Variants in ZDHHC11B observed in about 807,000 individuals in gnomAD.
ZDHHC11B encodes the protein zDHHC palmitoyltransferase 11B (putative), also known as probable palmitoyltransferase ZDHHC11B.
A neutral mutation model predicts 42.3 loss-of-function variants in ZDHHC11B; 17 were observed. That is an observed-to-expected ratio of 0.40 (90% confidence interval 0.27 to 0.60). The LOEUF (loss-of-function observed/expected upper bound fraction) is 0.60. ZDHHC11B is among the 20% of genes least tolerant of loss of function. The pLI is 0.41. For synonymous variants in ZDHHC11B, 123 were observed against 193.5 expected (o/e 0.64, Z 3.02); for missense variants, 262 against 463.2 (o/e 0.57, Z 3.99).
intron 11 of ZDHHC11B, among the ~76,000 whole-genome samples, chr5:730,682 A>G (rs1397196899): frequency 6.6e-6 from 1 of 151,666 alleles, no homozygotes; most frequent in Non-Finnish European, 1.5e-5. Context: ...CTCCAAATTC[A>G]TAGGTTGACA....
intron 6 of ZDHHC11B, among the ~76,000 whole-genome samples, chr5:754,616 T>TGTGAGCCTCCA (rs1746356184): frequency 1.1e-4 from 10 of 94,278 alleles, no homozygotes; most frequent in Admixed American, 2.5e-4. Flanking sequence ...ACACCTCTCG[T>TGTGAGCCTCCA]CCATCTGCGC....
In ZDHHC11B at chr5:767,283, C is replaced by T. The variant is rs1386037292; in HGVS notation, c.-1+109G>A. ...AAGACCTGAGCTGCCATCTGGACGG[C>T]TGCGGGATGGCCCTCTCCCCACCCA... On this transcript the variant is annotated intron_variant, in intron 3 of 13. Coordinates refer to ENST00000508859, the MANE Select transcript of ZDHHC11B (RefSeq NM_001351303.2). 2.3e-6 allele frequency: 3 copies of T among 1,288,936 alleles called. No homozygotes were observed. The African/African-American group carries it at 4.4e-5, about 19-fold the overall frequency. The allele number at this position is 1,288,936 out of a possible 1,614,324, so 79.8% of individuals were successfully genotyped here. A position where few individuals can be genotyped will look rare whatever the true frequency, so the allele number is the denominator to read the frequency against.
chr5:777,490 A>T (rs1408768101), intron 1 of ZDHHC11B, among the ~76,000 whole-genome samples: 1 of 151,836 alleles, frequency 6.6e-6, no homozygotes, highest in Non-Finnish European at 1.5e-5. Context: ...GAGCGGCAAG[A>T]TTTATTGCTA....
At chr5:780,776 G>C (rs760213936) in intron 1 of ZDHHC11B, among the ~76,000 whole-genome samples, 1 of 149,680 alleles carries the variant, frequency 6.7e-6, no homozygotes, top group South Asian at 2.1e-4. Context: ...CACCCCAGTG[G>C]CTCTGTCCAT....
intron 13 of ZDHHC11B, among the ~76,000 whole-genome samples, chr5:714,627 A>T (rs1741613664): frequency 8.5e-6 from 1 of 117,760 alleles, no homozygotes; most frequent in South Asian, 2.7e-4. Flanking sequence ...TGTGACCTGA[A>T]ATTATCTGCA....
intron 4 of ZDHHC11B, among the ~76,000 whole-genome samples, chr5:760,808 G>A (rs78272307): frequency 0.02 from 3,038 of 150,456 alleles, 50 homozygotes; most frequent in East Asian, 0.11. Flanking sequence ...ACTGGCAGGG[G>A]CAGTGACCCG....
intron 2 of ZDHHC11B, among the ~76,000 whole-genome samples, chr5:767,902 G>A (rs754978080): frequency 1.4e-3 from 16 of 11,528 alleles, no homozygotes; most frequent in Non-Finnish European, 3.1e-3. Flanking sequence ...TCGCTGTGGG[G>A]GACACAGGCC....
At chr5:757,909 T>C (rs1734078355) in intron 4 of ZDHHC11B, among the ~76,000 whole-genome samples, 1 of 151,798 alleles carries the variant, frequency 6.6e-6, no homozygotes, top group Admixed American at 6.6e-5. Context: ...GTCAGACACT[T>C]GCAGTGGCCA....
At chr5:760,877 G>A (rs577687436) in intron 4 of ZDHHC11B, among the ~76,000 whole-genome samples, 7 of 149,170 alleles carry the variant, frequency 4.7e-5, no homozygotes, top group South Asian at 2.2e-4. Flanking sequence ...ACAGTGCAGC[G>A]GGACAGGCCA....
intron 12 of ZDHHC11B, among the ~76,000 whole-genome samples, chr5:722,433 A>G (rs2008985): frequency 0.5 from 73,235 of 147,870 alleles, 14,474 homozygotes; most frequent in African/African-American, 0.55. Context: ...AACTCGTATG[A>G]CTCACATGTG....
intron 4 of ZDHHC11B, among the ~76,000 whole-genome samples, chr5:761,891 T>C (rs1734668720): frequency 6.6e-6 from 1 of 151,336 alleles, no homozygotes; most frequent in South Asian, 2.1e-4. Context: ...AGACAGCCAC[T>C]CACAGCCCTG....
At position 766,772 on chromosome 5, in the gene ZDHHC11B, C is replaced by A. The variant is rs763396289; in HGVS notation, c.148G>T (p.Val50Phe). The change falls in exon 4 of 14, where the codon GTT (valine) becomes TTT (phenylalanine). Residue 50 changes from valine (V) to phenylalanine (F), a missense_variant. Transcript: ENST00000508859. ...CTGAAGGTGGCCAAGGAAAGGCCAA[C>A]GAAGACAGCCCAAGTCACCACCCGG... ...YFRVVTWAVF[V>F]GLSLATFRIF... The A allele has an allele frequency of 1.9e-6, 3 of 1,612,408 alleles. No homozygotes were observed. The highest frequency in any genetic ancestry group is 2.5e-6 in the Non-Finnish European group (3 of 1,179,208).
At chr5:776,959 C>T (rs1332875516) in intron 1 of ZDHHC11B, among the ~76,000 whole-genome samples, 3 of 151,930 alleles carry the variant, frequency 2.0e-5, no homozygotes, top group Admixed American at 6.6e-5. Context: ...GTCAGGCAGG[C>T]AGAGCTCCCA....
At chr5:744,046 T>G (rs1259061767) in intron 9 of ZDHHC11B, among the ~76,000 whole-genome samples, 1 of 149,896 alleles carries the variant, frequency 6.7e-6, no homozygotes, top group East Asian at 2.0e-4. Flanking sequence ...GAATGGGAAC[T>G]TGCTGTTAAC....
intron 1 of ZDHHC11B, among the ~76,000 whole-genome samples, chr5:776,508 C>T (rs1450835731): frequency 4.6e-5 from 7 of 151,946 alleles, no homozygotes; most frequent in African/African-American, 9.7e-5. Context: ...CACTGCAAGG[C>T]GCCTGCTGGG....
intron 12 of ZDHHC11B, among the ~76,000 whole-genome samples, chr5:723,692 C>G (rs1203167093): frequency 1.8e-5 from 2 of 110,584 alleles, no homozygotes; most frequent in African/African-American, 6.1e-5. Flanking sequence ...CCATCAGACT[C>G]TCAGTGATTG....
intron 1 of ZDHHC11B, among the ~76,000 whole-genome samples, chr5:776,756 C>T (rs545216692): frequency 3.3e-5 from 5 of 151,946 alleles, no homozygotes; most frequent in Admixed American, 6.6e-5. Flanking sequence ...GCCCTCCTGC[C>T]GAGGAGGTGC....
intron 3 of ZDHHC11B, among the ~76,000 whole-genome samples, chr5:767,130 G>C (rs1388992650): frequency 6.6e-6 from 1 of 151,996 alleles, no homozygotes; most frequent in Non-Finnish European, 1.5e-5. Context: ...GGAATGAACA[G>C]ACATGCTGCA....
At chr5:717,599 T>A (rs1169997865) in intron 12 of ZDHHC11B, among the ~76,000 whole-genome samples, 3 of 151,806 alleles carry the variant, frequency 2.0e-5, no homozygotes, top group African/African-American at 7.3e-5. Context: ...TCTGATCCAA[T>A]CCTTAAAAAT....
Sources: allele counts gnomAD v4.1 joint callset (sites outside exome capture counted in the v4.1 genomes callset), GRCh38; gene constraint gnomAD v4.1.1; transcripts MANE v1.5; gene names NCBI Gene and HGNC (gene_info 2026-07-23, HGNC 2026-07-21).